The following RAPH1 variants were observed in gnomAD, a reference collection of about 807,000 sequenced individuals.
RAPH1 encodes Ras association (RalGDS/AF-6) and pleckstrin homology domains 1.
RAPH1 carries 18 observed loss-of-function variants against 88.1 expected under a neutral mutation model. That is an observed-to-expected ratio of 0.20 (90% confidence interval 0.14 to 0.30). The LOEUF is 0.30. RAPH1 is among the 10% of genes least tolerant of loss of function. The probability of loss-of-function intolerance (pLI) is 1.00; values close to 1 mark genes in which losing one functional copy is unlikely to be tolerated. For synonymous variants in RAPH1, 587 were observed against 559.0 expected (o/e 1.05, Z -0.71); for missense variants, 1,448 against 1,543.2 (o/e 0.94, Z 1.03).
chr2:203,490,113 T>C (rs1559482612), intron 3 of RAPH1, 24 bp from the exon 4 acceptor site: 1 of 1,549,788 alleles, frequency 6.5e-7, no homozygotes, highest in African/African-American at 1.4e-5. Flanking sequence ...CACATAATGT[T>C]TCCAGAATTT....
intron 1 of RAPH1, among the ~76,000 whole-genome samples, chr2:203,525,231 G>C (rs1245269744): frequency 6.6e-6 from 1 of 152,160 alleles, no homozygotes; most frequent in African/African-American, 2.4e-5. Flanking sequence ...TGTCGCCCAG[G>C]CTGGAGTGCA....
rs2098531764 is a variant in RAPH1 at position 203,470,121 on chromosome 2, T to C, written c.733-8196A>G. The C allele has an allele frequency of 9.6e-6, 6 of 622,414 alleles. No individual in the cohort carries two copies. In the East Asian group the frequency reaches 1.7e-4, roughly 18 times the overall value. The allele number at this position is 622,414 out of a possible 1,614,324, so 38.6% of individuals were successfully genotyped here. On this transcript the variant is annotated intron_variant, in intron 4 of 13. Transcript: ENST00000319170. ...ATTACCATCTGTAAAAGAAAAAGTATATTAATGACAAAGATGCTAGAGTAA... is the reference window on the plus strand; with the variant it reads ...ATTACCATCTGTAAAAGAAAAAGTACATTAATGACAAAGATGCTAGAGTAA...
intron 1 of RAPH1, among the ~76,000 whole-genome samples, chr2:203,523,179 G>T (rs912064986): frequency 1.3e-5 from 2 of 152,112 alleles, no homozygotes; most frequent in Non-Finnish European, 2.9e-5. Flanking sequence ...GGATCATGGG[G>T]TCAGGAGATC....
chr2:203,443,042 C>T (rs114442484), intron 13 of RAPH1: 3 of 152,216 alleles, frequency 2.0e-5, no homozygotes, highest in African/African-American at 7.2e-5. Flanking sequence ...GAGTTAAACT[C>T]AGTGTTTTGA....
chr2:203,505,764 T>C (rs1688959970), intron 1 of RAPH1, among the ~76,000 whole-genome samples: 1 of 152,240 alleles, frequency 6.6e-6, no homozygotes, highest in African/African-American at 2.4e-5. Flanking sequence ...AGTAAATTTC[T>C]GTTGCTTTAA....
In RAPH1 at chr2:203,448,953, C is replaced by T. The variant is rs146395080; in HGVS notation, c.1414-117G>A. On this transcript the variant is annotated intron_variant, in intron 10 of 13. Transcript: ENST00000319170. The surrounding 1 kb of genome is among the most constrained non-coding windows in gnomAD (Gnocchi z 4.1). ...TAGGCCATTAGAGTAATGGCCAATA[C>T]ATTTATGCTTCTTATATGGCCATAA... The T allele has an allele frequency of 1.2e-5, 6 of 492,754 alleles. No homozygotes were observed. The Admixed American group carries it at 2.4e-4, about 20-fold the overall frequency. 30.5% of individuals were successfully genotyped at this position (492,754 alleles called of 1,614,324 possible).
At chr2:203,461,791 C>T (rs927429268) in intron 5 of RAPH1, 57 bp downstream of exon 5, 2 of 1,347,380 alleles carry the variant, frequency 1.5e-6, no homozygotes, top group African/African-American at 1.5e-5. Flanking sequence ...GGCAATTCTT[C>T]ACAAATCCAA....
intron 12 of RAPH1, 65 bp downstream of exon 12, chr2:203,447,894 C>CT: frequency 3.3e-6 from 5 of 1,528,892 alleles, no homozygotes; most frequent in Non-Finnish European, 4.5e-6. Flanking sequence ...TCCAGGTCTA[C>CT]TATCAGTCTC....
chr2:203,505,076 C>A (rs1404521106), intron 1 of RAPH1, among the ~76,000 whole-genome samples: 1 of 152,178 alleles, frequency 6.6e-6, no homozygotes, highest in Non-Finnish European at 1.5e-5. Flanking sequence ...TCTTCTGAGC[C>A]CTCCAAACTG....
chr2:203,466,758 A>C (rs1488279736), intron 4 of RAPH1, among the ~76,000 whole-genome samples: 1 of 152,088 alleles, frequency 6.6e-6, no homozygotes, highest in Non-Finnish European at 1.5e-5. Flanking sequence ...CTACTGAAAA[A>C]CTCCTATGTG....
intron 1 of RAPH1, among the ~76,000 whole-genome samples, chr2:203,509,068 T>G (rs1462836891): frequency 3.7e-5 from 1 of 26,888 alleles, no homozygotes; most frequent in Non-Finnish European, 8.6e-5. Context: ...AAAAAATAAT[T>G]TTTTTTTTTT....
At chr2:203,508,248 A>G (rs530142739) in intron 1 of RAPH1, among the ~76,000 whole-genome samples, 4 of 150,416 alleles carry the variant, frequency 2.7e-5, no homozygotes, top group South Asian at 2.1e-4. Flanking sequence ...AAAAAGGAAG[A>G]AAGAAAGAAA....
At chr2:203,475,909 T>G (rs1163272722) in intron 4 of RAPH1, among the ~76,000 whole-genome samples, 1 of 152,090 alleles carries the variant, frequency 6.6e-6, no homozygotes, top group Non-Finnish European at 1.5e-5. Context: ...AAATTTCTTT[T>G]TCATTATTTC....
intron 4 of RAPH1, among the ~76,000 whole-genome samples, chr2:203,476,476 A>T (rs1314987854): frequency 2.6e-5 from 4 of 151,790 alleles, no homozygotes; most frequent in African/African-American, 9.7e-5. Context: ...CGGCCACGAG[A>T]TTTTTTTTAC....
chr2:203,474,717 T>G (rs1384698422), intron 4 of RAPH1, among the ~76,000 whole-genome samples: 2 of 152,200 alleles, frequency 1.3e-5, no homozygotes, highest in African/African-American at 4.8e-5. Context: ...TGAACAGAAT[T>G]AAAAGCAAAA....
intron 4 of RAPH1, among the ~76,000 whole-genome samples, chr2:203,482,877 A>C (rs73060659): frequency 0.017 from 2,571 of 152,302 alleles, 71 homozygotes; most frequent in African/African-American, 0.056. Flanking sequence ...CTCCATTTTT[A>C]AATAGCATAA....
At chr2:203,455,846 T>TAAA (rs1034193198) in intron 8 of RAPH1, among the ~76,000 whole-genome samples, 1 of 123,378 alleles carries the variant, frequency 8.1e-6, no homozygotes, top group African/African-American at 3.0e-5. Flanking sequence ...CGTCTCTACT[T>TAAA]AAAAAAAAAA....
chr2:203,495,200 C>G (rs771233194), intron 2 of RAPH1, 34 bp downstream of exon 2: 1 of 1,612,772 alleles, frequency 6.2e-7, no homozygotes, highest in Non-Finnish European at 8.5e-7. Context: ...ATGGTGACTT[C>G]AAATCCTCAA....
chr2:203,463,257 C>A (rs1198684929), intron 4 of RAPH1, among the ~76,000 whole-genome samples: 1 of 151,568 alleles, frequency 6.6e-6, no homozygotes, highest in Non-Finnish European at 1.5e-5. Context: ...TTCCTTAAGT[C>A]TAAGAAGAAA....
Sources: allele counts gnomAD v4.1 joint callset (sites outside exome capture counted in the v4.1 genomes callset), GRCh38; gene constraint gnomAD v4.1.1; non-coding constraint Gnocchi (gnomAD v3.1); transcripts MANE v1.5; gene names NCBI Gene and HGNC (gene_info 2026-07-23, HGNC 2026-07-21).